PRORP: variants seen among roughly 807,000 people sequenced by gnomAD.
The protein encoded by PRORP is protein only RNase P catalytic subunit, also known as mitochondrial ribonuclease P catalytic subunit.
Under a neutral mutation model 59.4 loss-of-function variants are expected in PRORP, and 51 were observed. That is an observed-to-expected ratio of 0.86 (90% CI 0.69 to 1.08). The LOEUF is 1.08. PRORP is among the 50% of genes least tolerant of loss of function. The pLI is 0.00. For missense variants in PRORP, 646 were observed against 690.3 expected (o/e 0.94, Z 0.72); for synonymous variants, 231 against 245.6 (o/e 0.94, Z 0.55).
At chr14:35,188,921 C>T (rs1311614929) in intron 5 of PRORP, among the ~76,000 whole-genome samples, 7 of 131,318 alleles carry the variant, frequency 5.3e-5, no homozygotes, top group Admixed American at 3.6e-4. Flanking sequence ...TCCAGCCTGG[C>T]GACAGAGCAA....
chr14:35,123,696 T>G lies in PRORP; in HGVS notation c.451T>G (p.Cys151Gly). The change falls in exon 2 of 8, where the codon TGT (cysteine) becomes GGT (glycine). Residue 151 changes from cysteine (C) to glycine (G), a missense_variant. Transcript: ENST00000534898. ...ESWIISQMAG[C>G]HSSIDVAKSL... ...TTGGATCATTTCACAGATGGCTGGC[T>G]GTCATAGCTCTATAGATGTGGCTAA... 1 of 1,614,238 alleles carries G rather than the reference T, an allele frequency of 6.2e-7. No individual in the cohort carries two copies. Among genetic ancestry groups the G allele is most frequent in the Non-Finnish European group, 8.5e-7 (1 of 1,180,048 alleles).
At chr14:35,272,221 T>C (rs1214540758) in intron 7 of PRORP, among the ~76,000 whole-genome samples, 2 of 152,252 alleles carry the variant, frequency 1.3e-5, no homozygotes, top group African/African-American at 4.8e-5. Flanking sequence ...GTAATGCTCA[T>C]GTTAATGAGC....
intron 4 of PRORP, among the ~76,000 whole-genome samples, chr14:35,128,082 C>T (rs1348947174): frequency 6.6e-6 from 1 of 152,208 alleles, no homozygotes; most frequent in East Asian, 1.9e-4. Context: ...TTTAGAGTAA[C>T]TTAAGATTAT....
chr14:35,191,564 G>T (rs1239763863), intron 5 of PRORP, among the ~76,000 whole-genome samples: 1 of 152,054 alleles, frequency 6.6e-6, no homozygotes, highest in Non-Finnish European at 1.5e-5. Context: ...TTAGCTGGAT[G>T]TGATGGCATG....
chr14:35,149,501 C>G (rs1393802933), intron 4 of PRORP, among the ~76,000 whole-genome samples: 1 of 152,156 alleles, frequency 6.6e-6, no homozygotes, highest in Non-Finnish European at 1.5e-5. Flanking sequence ...GTGTGAGCAA[C>G]CATGACTGGC....
intron 5 of PRORP, among the ~76,000 whole-genome samples, chr14:35,242,154 T>C (rs2050384819): frequency 6.6e-6 from 1 of 152,224 alleles, no homozygotes; most frequent in Non-Finnish European, 1.5e-5. Context: ...GAATGAATTA[T>C]TTAAAGAAAA....
intron 5 of PRORP, among the ~76,000 whole-genome samples, chr14:35,236,675 A>C (rs558025307): frequency 6.6e-6 from 1 of 152,206 alleles, no homozygotes; most frequent in African/African-American, 2.4e-5. Context: ...ACACTCTCTG[A>C]CCATTCCTTG....
At chr14:35,192,771 A>G (rs1439825761) in intron 5 of PRORP, among the ~76,000 whole-genome samples, 3 of 152,074 alleles carry the variant, frequency 2.0e-5, no homozygotes. Context: ...AGGAGGGTGG[A>G]TCACCTGAGG....
intron 4 of PRORP, among the ~76,000 whole-genome samples, chr14:35,161,937 ATGAT>A (rs1266079745): frequency 6.6e-6 from 1 of 152,094 alleles, no homozygotes; most frequent in Non-Finnish European, 1.5e-5. Context: ...ATGATTCTAG[ATGAT>A]TGAGAATTTT....
At chr14:35,141,000 G>T (rs2047468586) in intron 4 of PRORP, among the ~76,000 whole-genome samples, 2 of 145,870 alleles carry the variant, frequency 1.4e-5, no homozygotes, top group African/African-American at 4.9e-5. Context: ...ATATTAAACT[G>T]AAAGATATCT....
rs759098789 is a variant in PRORP, at chr14:35,270,439, A to G, written c.1463A>G (p.His488Arg). 2.2e-5 allele frequency: 35 copies of G among 1,613,898 alleles called. No homozygotes were observed. The highest frequency in any genetic ancestry group is 2.8e-5 in the Non-Finnish European group (33 of 1,180,034). Residue 488 changes from histidine (H) to arginine (R), a missense_variant, in exon 7 of 8, where the codon CAC becomes CGC. By Grantham distance (29) the His-to-Arg change is conservative. Transcript: ENST00000534898. ...CCATTCCTTCTGTATGCCACACTGCACTCCGGGAATCACTGCAGGTTTATC... is the reference window on the plus strand; with the variant it reads ...CCATTCCTTCTGTATGCCACACTGCGCTCCGGGAATCACTGCAGGTTTATC... ...DDPFLLYATL[H>R]SGNHCRFITR...
At chr14:35,239,046 G>C (rs186219459) in intron 5 of PRORP, among the ~76,000 whole-genome samples, 317 of 152,140 alleles carry the variant, frequency 2.1e-3, no homozygotes, top group South Asian at 4.1e-3. Flanking sequence ...TTGCCCAGAG[G>C]TAACAGCTCT....
Position 35,142,569 on chromosome 14 carries a change from T to C in PRORP, c.1167+14958T>C, listed in dbSNP as rs1429062956. On this transcript the variant is annotated intron_variant, in intron 4 of 7. Coordinates refer to ENST00000534898, the MANE Select transcript of PRORP (RefSeq NM_014672.4). The stretch of plus-strand genomic sequence containing the variant: ...GATAGGGTAGAGATGGCATTGGGCT[T>C]GGTGGCTCACACCTGTAATCCTAGC... Among the ~76,000 whole-genome samples the C allele has an allele frequency of 1.4e-5, 2 of 142,876 alleles. 1 individual carries two copies. Among genetic ancestry groups the C allele is most frequent in the Admixed American group, 1.5e-4 (2 of 13,590 alleles). 93.7% of individuals were successfully genotyped at this position (142,876 alleles called of 152,430 possible). A position where few individuals can be genotyped will look rare whatever the true frequency, so the allele number is the denominator to read the frequency against.
At chr14:35,190,762 C>G (rs2048862628) in intron 5 of PRORP, among the ~76,000 whole-genome samples, 3 of 152,086 alleles carry the variant, frequency 2.0e-5, no homozygotes. Context: ...CTTGGCCTCC[C>G]TAAGTGCTGG....
intron 5 of PRORP, among the ~76,000 whole-genome samples, chr14:35,216,269 G>C (rs189251599): frequency 6.6e-6 from 1 of 150,694 alleles, no homozygotes; most frequent in East Asian, 1.9e-4. Context: ...GTGCGTGTGT[G>C]TCATTTTATT....
intron 4 of PRORP, among the ~76,000 whole-genome samples, chr14:35,178,225 T>G: frequency 6.6e-6 from 1 of 152,178 alleles, no homozygotes; most frequent in East Asian, 1.9e-4. Flanking sequence ...TTCTGTTGAT[T>G]TGGGGTGGAG....
intron 5 of PRORP, chr14:35,218,894 CTTGT>C (rs1233365577): frequency 2.0e-5 from 3 of 152,108 alleles, no homozygotes; most frequent in Non-Finnish European, 4.4e-5. Context: ...GATGCTCATG[CTTGT>C]TTGTTTTAAT....
rs575139407 is a variant in PRORP, at chr14:35,188,856, G to C, written c.1275+8079G>C. Among the ~76,000 whole-genome samples the C allele has an allele frequency of 2.7e-5, 4 of 148,986 alleles. No homozygotes were observed. The South Asian group carries it at 8.5e-4, about 32-fold the overall frequency. On this transcript the variant is annotated intron_variant, in intron 5 of 7. Coordinates refer to ENST00000534898, the MANE Select transcript of PRORP (RefSeq NM_014672.4). ...CTGGGTGTGGTGGTGGGTGCCTGTA[G>C]TACCAGCTACTCGGGAGGCGGAGGT...
chr14:35,243,034 G>A (rs936845074), intron 5 of PRORP, among the ~76,000 whole-genome samples: 3 of 152,172 alleles, frequency 2.0e-5, no homozygotes, highest in African/African-American at 7.2e-5. Context: ...TGAACCTGAA[G>A]TAATGGTCAC....
Sources: allele counts gnomAD v4.1 joint callset (sites outside exome capture counted in the v4.1 genomes callset), GRCh38; gene constraint gnomAD v4.1.1; transcripts MANE v1.5; gene names NCBI Gene and HGNC (gene_info 2026-07-23, HGNC 2026-07-21).